Variants in DPP10 observed in about 807,000 individuals in gnomAD.
The protein encoded by DPP10 is dipeptidyl peptidase like 10.
In DPP10, 33 loss-of-function variants were observed where a neutral mutation model predicts 120.9. That is an observed-to-expected ratio of 0.27 (90% confidence interval 0.21 to 0.37). The LOEUF (loss-of-function observed/expected upper bound fraction) is 0.37, where lower values mean the gene tolerates loss of function less well. Ranked by LOEUF, DPP10 falls within the 10% of genes least tolerant of loss-of-function variation. DPP10 has a pLI of 1.00. For synonymous variants in DPP10, 337 were observed against 326.1 expected (o/e 1.03, Z -0.36); for missense variants, 816 against 942.8 (o/e 0.87, Z 1.76).
intron 1 of DPP10, among the ~76,000 whole-genome samples, chr2:114,719,272 C>A (rs1361147479): frequency 6.6e-6 from 1 of 152,080 alleles, no homozygotes; most frequent in Non-Finnish European, 1.5e-5. Context: ...CTAGGCATTC[C>A]TTCTTCATTT....
chr2:114,861,209 A>G (rs763823389), intron 1 of DPP10, among the ~76,000 whole-genome samples: 11 of 152,324 alleles, frequency 7.2e-5, no homozygotes, highest in Middle Eastern at 3.4e-3. Context: ...CAGAACAGAG[A>G]GTAGGCAGAC....
At chr2:115,794,930 A>G (rs1684378451) in intron 19 of DPP10, among the ~76,000 whole-genome samples, 1 of 152,254 alleles carries the variant, frequency 6.6e-6, no homozygotes, top group Admixed American at 6.5e-5. Context: ...AGCCGTGTTA[A>G]TGGCTATGGG....
chr2:115,549,648 A>G (rs919600327), intron 5 of DPP10, among the ~76,000 whole-genome samples: 1 of 152,132 alleles, frequency 6.6e-6, no homozygotes, highest in Non-Finnish European at 1.5e-5. Context: ...TCTATAGCCA[A>G]TGTATCTTAC....
chr2:115,563,481 A>G (rs955396660), intron 5 of DPP10, among the ~76,000 whole-genome samples: 5 of 152,208 alleles, frequency 3.3e-5, no homozygotes, highest in Admixed American at 3.3e-4. Flanking sequence ...CAAATAAAGA[A>G]GATGTGATTC....
intron 11 of DPP10, among the ~76,000 whole-genome samples, chr2:115,759,922 T>C (rs1192093832): frequency 6.6e-6 from 1 of 151,954 alleles, no homozygotes; most frequent in Admixed American, 6.6e-5. Flanking sequence ...AGGCAGAGAA[T>C]TGCTTGAACC....
At chr2:114,558,930 A>G (rs1197439542) in intron 1 of DPP10, among the ~76,000 whole-genome samples, 1 of 152,216 alleles carries the variant, frequency 6.6e-6, no homozygotes, top group African/African-American at 2.4e-5. Flanking sequence ...CAATATAGTC[A>G]TAAGTACATC....
chr2:115,839,112 T>C (rs996269422), intron 24 of DPP10, among the ~76,000 whole-genome samples: 1 of 152,194 alleles, frequency 6.6e-6, no homozygotes, highest in Non-Finnish European at 1.5e-5. Flanking sequence ...ATTACCTCTG[T>C]CATTGACCTT....
intron 5 of DPP10, among the ~76,000 whole-genome samples, chr2:115,621,689 G>T (rs1439697788): frequency 1.3e-5 from 2 of 152,104 alleles, no homozygotes; most frequent in African/African-American, 4.8e-5. Flanking sequence ...TTGTTTGTTT[G>T]TTTGTTTGAG....
chr2:115,226,710 A>G (rs1308488869), intron 1 of DPP10, among the ~76,000 whole-genome samples: 1 of 152,188 alleles, frequency 6.6e-6, no homozygotes, highest in Non-Finnish European at 1.5e-5. Context: ...TACTATAGTT[A>G]CATCAATTTG....
At chr2:115,720,489 A>G (rs2092619933) in intron 7 of DPP10, among the ~76,000 whole-genome samples, 1 of 152,194 alleles carries the variant, frequency 6.6e-6, no homozygotes, top group Admixed American at 6.5e-5. Context: ...TTAAACAAAT[A>G]TAAAGGTTTT....
At chr2:115,237,010 T>C (rs1288279714) in intron 1 of DPP10, among the ~76,000 whole-genome samples, 2 of 152,168 alleles carry the variant, frequency 1.3e-5, no homozygotes, top group African/African-American at 2.4e-5. Flanking sequence ...CCTTAATGTA[T>C]AGCAGCAGCA....
chr2:115,468,845 G>GACTGGAGC (rs2074499242), intron 3 of DPP10: 1 of 423,634 alleles, frequency 2.4e-6, no homozygotes, highest in Non-Finnish European at 4.6e-6. Context: ...CTCTGCTGAA[G>GACTGGAGC]ACTGGAGCAC....
chr2:115,530,887 T>C (rs1248800616), intron 5 of DPP10, among the ~76,000 whole-genome samples: 1 of 152,104 alleles, frequency 6.6e-6, no homozygotes, highest in Non-Finnish European at 1.5e-5. Context: ...AATGTGCAGC[T>C]AGGGTTGAAG....
rs70941042 is a variant in DPP10 at position 115,289,503 on chromosome 2, A to AAAAAAT, written c.61-19735_61-19734insAAAATA. ...AAGAAACCAAAAAAAAAAAAAAAAA[A>AAAAAAT]AGGAAGAAAAGAAAAGAAAAAAGAG... On this transcript the variant is annotated intron_variant, in intron 1 of 25. Coordinates refer to ENST00000410059, the MANE Select transcript of DPP10 (RefSeq NM_020868.6). Among the ~76,000 whole-genome samples the AAAAAAT allele has an allele frequency of 2.7e-3, 259 of 96,202 alleles. 1 individual carries two copies. Among genetic ancestry groups the AAAAAAT allele is most frequent in the African/African-American group, 0.011 (253 of 23,822 alleles). The allele number at this position is 96,202 out of a possible 152,430, so 63.1% of individuals were successfully genotyped here.
At chr2:114,637,155 T>A (rs897599682) in intron 1 of DPP10, among the ~76,000 whole-genome samples, 11 of 151,976 alleles carry the variant, frequency 7.2e-5, no homozygotes, top group Admixed American at 5.2e-4. Context: ...GATCCCTAAA[T>A]AAGCAAGGTT....
chr2:114,567,356 G>T (rs1434144061), intron 1 of DPP10, among the ~76,000 whole-genome samples: 1 of 152,072 alleles, frequency 6.6e-6, no homozygotes, highest in African/African-American at 2.4e-5. Context: ...TCCTTAGTTG[G>T]AGATTAGAAT....
intron 1 of DPP10, among the ~76,000 whole-genome samples, chr2:114,886,106 T>C (rs576452758): frequency 1.3e-5 from 2 of 152,314 alleles, no homozygotes; most frequent in Non-Finnish European, 2.9e-5. Flanking sequence ...TTTGGACAAA[T>C]TTAAAACAAC....
At chr2:114,600,596 A>T (rs895577303) in intron 1 of DPP10, among the ~76,000 whole-genome samples, 1 of 151,872 alleles carries the variant, frequency 6.6e-6, no homozygotes, top group African/African-American at 2.4e-5. Flanking sequence ...TGGAACCATG[A>T]TATAAATATT....
In DPP10 at chr2:114,734,853, G is replaced by A. The variant is rs534268196; in HGVS notation, c.60+292015G>A. ...CATAGAAAACTACCACAGACTAGATGAGTTAAATAACAGAAATTTATTTTC... is the reference window on the plus strand; with the variant it reads ...CATAGAAAACTACCACAGACTAGATAAGTTAAATAACAGAAATTTATTTTC... On this transcript the variant is annotated intron_variant, in intron 1 of 25. Coordinates refer to ENST00000410059, the MANE Select transcript of DPP10 (RefSeq NM_020868.6). Among the ~76,000 whole-genome samples, 11 of 152,300 alleles carry A rather than the reference G, an allele frequency of 7.2e-5. No homozygotes were observed. The South Asian group carries it at 2.3e-3, about 32-fold the overall frequency.
Sources: allele counts gnomAD v4.1 joint callset (sites outside exome capture counted in the v4.1 genomes callset), GRCh38; gene constraint gnomAD v4.1.1; transcripts MANE v1.5; gene names NCBI Gene and HGNC (gene_info 2026-07-23, HGNC 2026-07-21).